Variants in ALKAL1 observed in about 807,000 individuals in gnomAD.
ALKAL1 encodes the protein ALK and LTK ligand 1, also known as AUG-beta.
A neutral mutation model predicts 13.5 loss-of-function variants in ALKAL1; 23 were observed. The ratio of observed to expected loss-of-function variants is 1.70; its 90% confidence interval spans 1.23 to 2.41. ALKAL1 has a LOEUF of 2.41. Ranked by LOEUF, ALKAL1 falls within the 30% of genes most tolerant of loss-of-function variation. ALKAL1 has a pLI of 0.00. For missense variants in ALKAL1, 181 were observed against 178.4 expected, an observed-to-expected ratio of 1.01 and a Z score of -0.08; for synonymous variants, 85 against 77.7, an observed-to-expected ratio of 1.09 and a Z score of -0.49.
At chr8:52,551,245 T>A (rs1253216102) in intron 1 of ALKAL1, among the ~76,000 whole-genome samples, 1 of 152,120 alleles carries the variant, frequency 6.6e-6, no homozygotes. Context: ...AAGACCCACC[T>A]ACAAAGAATA....
At chr8:52,548,528 T>C (rs1847396055) in intron 1 of ALKAL1, among the ~76,000 whole-genome samples, 1 of 152,140 alleles carries the variant, frequency 6.6e-6, no homozygotes, top group South Asian at 2.1e-4. Context: ...AAAGAAATGA[T>C]AATTGTTTGA....
chr8:52,553,099 G>A (rs541208676), intron 1 of ALKAL1, among the ~76,000 whole-genome samples: 4 of 152,316 alleles, frequency 2.6e-5, no homozygotes, highest in Non-Finnish European at 5.9e-5. Context: ...TGTTATCCCA[G>A]CACTTTGGGA....
chr8:52,555,427 A>T (rs945967714), intron 1 of ALKAL1, among the ~76,000 whole-genome samples: 1 of 152,130 alleles, frequency 6.6e-6, no homozygotes, highest in Non-Finnish European at 1.5e-5. Flanking sequence ...GAGAGAGTAA[A>T]CTCACAGAGA....
chr8:52,536,004 T>G (rs1847264102), intron 4 of ALKAL1, among the ~76,000 whole-genome samples: 2 of 152,040 alleles, frequency 1.3e-5, no homozygotes, highest in Admixed American at 1.3e-4. Context: ...AGTGCTGCAA[T>G]CTCAGCTCAC....
intron 1 of ALKAL1, among the ~76,000 whole-genome samples, chr8:52,562,967 A>G (rs558598096): frequency 2.0e-5 from 3 of 152,354 alleles, no homozygotes; most frequent in East Asian, 3.9e-4. Flanking sequence ...ACAGACTCAG[A>G]TACGGATGTC....
At chr8:52,561,413 A>G (rs946094638) in intron 1 of ALKAL1, among the ~76,000 whole-genome samples, 5 of 152,242 alleles carry the variant, frequency 3.3e-5, no homozygotes, top group Non-Finnish European at 7.3e-5. Context: ...TAGATGGATG[A>G]ATAGAATTCC....
intron 1 of ALKAL1, among the ~76,000 whole-genome samples, chr8:52,556,302 C>T (rs1170879971): frequency 6.6e-6 from 1 of 152,102 alleles, no homozygotes; most frequent in African/African-American, 2.4e-5. Context: ...ATAGAATAAG[C>T]ACTCCATAAG....
chr8:52,561,267 G>A (rs1301112352), intron 1 of ALKAL1, among the ~76,000 whole-genome samples: 1 of 152,248 alleles, frequency 6.6e-6, no homozygotes, highest in East Asian at 1.9e-4. Context: ...GCAAGCCCCT[G>A]CAGTATTTAA....
At chr8:52,538,599 A>T (rs1847285218) in intron 3 of ALKAL1, 92 bp from the exon 4 acceptor site, 2 of 802,140 alleles carry the variant, frequency 2.5e-6, no homozygotes, top group African/African-American at 3.5e-5. Flanking sequence ...ATATAACAAT[A>T]ACTACAGTTT....
chr8:52,541,480 A>C (rs1290697265), intron 2 of ALKAL1, among the ~76,000 whole-genome samples: 1 of 152,120 alleles, frequency 6.6e-6, no homozygotes, highest in African/African-American at 2.4e-5. Flanking sequence ...AAAATAAAAA[A>C]TTTTTGGCCG....
chr8:52,557,604 T>C (rs1481070581), intron 1 of ALKAL1, among the ~76,000 whole-genome samples: 4 of 152,344 alleles, frequency 2.6e-5, no homozygotes, highest in Admixed American at 1.3e-4. Context: ...ATTTGCCTTA[T>C]GTTTACAGAG....
At chr8:52,557,166 A>G (rs1847493059) in intron 1 of ALKAL1, among the ~76,000 whole-genome samples, 2 of 152,224 alleles carry the variant, frequency 1.3e-5, no homozygotes, top group African/African-American at 4.8e-5. Context: ...GCTTTGAAGC[A>G]GTCATGATGA....
intron 1 of ALKAL1, among the ~76,000 whole-genome samples, chr8:52,543,670 T>C (rs1020665336): frequency 3.5e-4 from 54 of 152,176 alleles, no homozygotes; most frequent in African/African-American, 1.1e-3. Context: ...TCCTCTTCTC[T>C]TCAATAATGC....
At chr8:52,537,953 G>T (rs1050327019) in intron 4 of ALKAL1, among the ~76,000 whole-genome samples, 4 of 151,968 alleles carry the variant, frequency 2.6e-5, no homozygotes, top group African/African-American at 9.6e-5. Context: ...AAAATTAGCC[G>T]GGCATGGTGG....
intron 3 of ALKAL1, among the ~76,000 whole-genome samples, chr8:52,539,466 A>C (rs534282574): frequency 6.6e-6 from 1 of 152,348 alleles, no homozygotes; most frequent in Non-Finnish European, 1.5e-5. Flanking sequence ...AAAATAACTT[A>C]TGAAAAAATT....
chr8:52,548,697 G>A (rs931788498), intron 1 of ALKAL1, among the ~76,000 whole-genome samples: 6 of 152,018 alleles, frequency 3.9e-5, no homozygotes, highest in African/African-American at 1.2e-4. Flanking sequence ...TTATTTGGGA[G>A]GGTTAAAATC....
At chr8:52,558,584 A>G (rs1847507694) in intron 1 of ALKAL1, among the ~76,000 whole-genome samples, 1 of 151,240 alleles carries the variant, frequency 6.6e-6, no homozygotes, top group South Asian at 2.1e-4. Context: ...TTCTCTCTTC[A>G]TTGCTTTCCT....
intron 1 of ALKAL1, among the ~76,000 whole-genome samples, chr8:52,551,583 T>A (rs1048097113): frequency 6.6e-6 from 1 of 151,990 alleles, no homozygotes; most frequent in African/African-American, 2.4e-5. Flanking sequence ...AGTTGAGATT[T>A]CAGGTGTGAG....
intron 1 of ALKAL1, among the ~76,000 whole-genome samples, chr8:52,564,532 G>A (rs1438968697): frequency 6.6e-6 from 1 of 152,172 alleles, no homozygotes; most frequent in East Asian, 1.9e-4. Context: ...GGAGCAGCCG[G>A]CTGCCCTTCT....
Sources: gnomAD v4.1 joint callset for allele counts (sites outside exome capture counted in the v4.1 genomes callset) on GRCh38, gnomAD v4.1.1 for gene constraint, MANE v1.5 for transcripts, NCBI Gene and HGNC (gene_info 2026-07-23, HGNC 2026-07-21) for gene names.